Variants in XYLT1 observed in about 807,000 individuals in gnomAD.
The protein encoded by XYLT1 is xylosyltransferase 1.
XYLT1 carries 36 observed loss-of-function variants against 91.3 expected under a neutral mutation model. The observed-to-expected ratio is 0.39, with a 90% CI of 0.30 to 0.52. The LOEUF (loss-of-function observed/expected upper bound fraction) is 0.52, where lower values mean the gene tolerates loss of function less well. Among genes scored for constraint, XYLT1 ranks in the 20% least tolerant of loss-of-function variants. XYLT1 has a pLI of 0.68. For synonymous variants in XYLT1, 588 were observed against 532.0 expected, an observed-to-expected ratio of 1.11 and a Z score of -1.45; for missense variants, 1,242 against 1,284.5, an observed-to-expected ratio of 0.97 and a Z score of 0.51.
chr16:17,222,686 A>C (rs1326151298), intron 3 of XYLT1, among the ~76,000 whole-genome samples: 1 of 147,776 alleles, frequency 6.8e-6, no homozygotes, highest in African/African-American at 2.5e-5. Context: ...GCTACTTGGG[A>C]GGCTGAGGCA....
chr16:17,309,684 C>T (rs1374088676), intron 2 of XYLT1, among the ~76,000 whole-genome samples: 1 of 152,230 alleles, frequency 6.6e-6, no homozygotes, highest in Non-Finnish European at 1.5e-5. Flanking sequence ...CAACCCTGAA[C>T]CTGCATCTCA....
At chr16:17,220,998 T>C (rs2032957142) in intron 3 of XYLT1, among the ~76,000 whole-genome samples, 3 of 152,210 alleles carry the variant, frequency 2.0e-5, no homozygotes. Flanking sequence ...AAATAGGCAC[T>C]AGGGCAATAA....
intron 3 of XYLT1, among the ~76,000 whole-genome samples, chr16:17,209,082 C>A (rs2032711375): frequency 6.6e-6 from 1 of 152,166 alleles, no homozygotes; most frequent in African/African-American, 2.4e-5. Context: ...CACTGTTGTG[C>A]AACTATTATC....
chr16:17,262,215 G>A (rs552850632), intron 2 of XYLT1, among the ~76,000 whole-genome samples: 1 of 152,160 alleles, frequency 6.6e-6, no homozygotes, highest in Non-Finnish European at 1.5e-5. Context: ...TATGGATCAC[G>A]TGCTAGGTGC....
At chr16:17,254,955 C>T (rs571139505) in intron 3 of XYLT1, among the ~76,000 whole-genome samples, 66 of 151,788 alleles carry the variant, frequency 4.3e-4, no homozygotes, top group African/African-American at 6.8e-4. Context: ...GGGCCAAATC[C>T]GGCCCATGGC....
chr16:17,178,211 T>A (rs935471408), intron 5 of XYLT1, among the ~76,000 whole-genome samples: 1 of 152,102 alleles, frequency 6.6e-6, no homozygotes, highest in African/African-American at 2.4e-5. Context: ...GGGTGAGCTG[T>A]GTTTCATGTG....
intron 1 of XYLT1, 84 bp from the exon 2 acceptor site, chr16:17,358,134 T>A (rs1244336734): frequency 7.3e-7 from 1 of 1,375,318 alleles, no homozygotes; most frequent in East Asian, 2.4e-5. Flanking sequence ...TCTTTCCTTT[T>A]TTTTTTTTTT....
At chr16:17,348,432 A>C (rs2035175977) in intron 2 of XYLT1, among the ~76,000 whole-genome samples, 1 of 152,140 alleles carries the variant, frequency 6.6e-6, no homozygotes, top group South Asian at 2.1e-4. Flanking sequence ...CACAGCCAGC[A>C]CTGCAGAAGA....
At chr16:17,349,664 C>G (rs548426572) in intron 2 of XYLT1, among the ~76,000 whole-genome samples, 2 of 150,832 alleles carry the variant, frequency 1.3e-5, no homozygotes, top group Admixed American at 6.6e-5. Flanking sequence ...ATCTGTAAAA[C>G]GGGGATGACA....
chr16:17,211,001 G>A (rs1231565752), intron 3 of XYLT1, among the ~76,000 whole-genome samples: 2 of 152,132 alleles, frequency 1.3e-5, no homozygotes, highest in African/African-American at 2.4e-5. Context: ...TGATTTCTTC[G>A]CATTGTTGCT....
chr16:17,285,848 G>A (rs934008673), intron 2 of XYLT1, among the ~76,000 whole-genome samples: 2 of 150,694 alleles, frequency 1.3e-5, no homozygotes, highest in African/African-American at 4.9e-5. Context: ...AACCCCCAAG[G>A]GTCTAGCCCC....
At chr16:17,305,297 G>A (rs888462926) in intron 2 of XYLT1, among the ~76,000 whole-genome samples, 5 of 152,072 alleles carry the variant, frequency 3.3e-5, no homozygotes, top group African/African-American at 1.2e-4. Flanking sequence ...TCCCTATCTA[G>A]TTTCCAAAAC....
At chr16:17,132,981 A>G (rs2030553799) in intron 9 of XYLT1, among the ~76,000 whole-genome samples, 1 of 152,166 alleles carries the variant, frequency 6.6e-6, no homozygotes, top group Middle Eastern at 3.2e-3. Flanking sequence ...TACAAAAATG[A>G]TGAGTATTAC....
chr16:17,138,197 C>G, intron 8 of XYLT1, 158 bp downstream of exon 8: 2 of 801,648 alleles, frequency 2.5e-6, no homozygotes, highest in Admixed American at 3.1e-5. Context: ...GCTCAATAAA[C>G]ACTGGCTATT....
chr16:17,328,873 C>T (rs2141836643), intron 2 of XYLT1, among the ~76,000 whole-genome samples: 1 of 152,322 alleles, frequency 6.6e-6, no homozygotes, highest in Non-Finnish European at 1.5e-5. Context: ...TAAAGCTTAA[C>T]TCTCCAGAAA....
rs1555491314 is a variant in XYLT1, at chr16:17,253,859, A to AGAGAGAGAGAGC, written c.913+5128_913+5129insGCTCTCTCTCTC. 6.0e-4 allele frequency among the ~76,000 whole-genome samples: 88 copies of AGAGAGAGAGAGC among 146,246 alleles called. 1 individual carries two copies. Among genetic ancestry groups the AGAGAGAGAGAGC allele is most frequent in the African/African-American group, 2.1e-3 (81 of 39,056 alleles). On this transcript the variant is annotated intron_variant, in intron 3 of 11. Coordinates refer to ENST00000261381, the MANE Select transcript of XYLT1 (RefSeq NM_022166.4). ...GAGAGAGAGAGAGAGAGAGAGAGAG[A>AGAGAGAGAGAGC]GAGCGAGCCTGCAGGTGGAAGAACA...
chr16:17,146,202 A>G (rs1357559297), intron 6 of XYLT1, among the ~76,000 whole-genome samples: 1 of 152,164 alleles, frequency 6.6e-6, no homozygotes, highest in African/African-American at 2.4e-5. Flanking sequence ...TTTCTGCATG[A>G]GCAGAAAACC....
chr16:17,334,813 G>T (rs1005144005), intron 2 of XYLT1, among the ~76,000 whole-genome samples: 1 of 151,914 alleles, frequency 6.6e-6, no homozygotes, highest in Non-Finnish European at 1.5e-5. Flanking sequence ...AACCTAGGAG[G>T]CGGAGCTTGC....
chr16:17,315,731 C>T (rs2034620979), intron 2 of XYLT1, among the ~76,000 whole-genome samples: 1 of 152,126 alleles, frequency 6.6e-6, no homozygotes, highest in Non-Finnish European at 1.5e-5. Context: ...AACGGAAGCT[C>T]AGAGAGGCTC....
Sources: allele counts gnomAD v4.1 joint callset (sites outside exome capture counted in the v4.1 genomes callset), GRCh38; gene constraint gnomAD v4.1.1; transcripts MANE v1.5; gene names NCBI Gene and HGNC (gene_info 2026-07-23, HGNC 2026-07-21).